The following ERC2 variants were observed in gnomAD, a reference collection of about 807,000 sequenced individuals.
ERC2 encodes ELKS/RAB6-interacting/CAST family member 2.
Under a neutral mutation model 114.8 loss-of-function variants are expected in ERC2, and 42 were observed. The observed-to-expected ratio is 0.37, with a 90% CI of 0.29 to 0.47. The LOEUF (loss-of-function observed/expected upper bound fraction) is 0.47. Ranked by LOEUF, ERC2 falls within the 20% of genes least tolerant of loss-of-function variation. The probability of loss-of-function intolerance (pLI) is 0.99; values close to 1 mark genes in which losing one functional copy is unlikely to be tolerated. For missense variants in ERC2, 939 were observed against 1,150.7 expected (o/e 0.82, Z 2.66); for synonymous variants, 454 against 425.5 (o/e 1.07, Z -0.82).
intron 3 of ERC2, among the ~76,000 whole-genome samples, chr3:56,244,195 A>C (rs908391469): frequency 2.0e-5 from 3 of 152,180 alleles, no homozygotes; most frequent in African/African-American, 7.2e-5. Context: ...GCCTTCGTGA[A>C]ACAGCAGCAC....
intron 13 of ERC2, among the ~76,000 whole-genome samples, chr3:55,891,604 G>A (rs1044144114): frequency 2.0e-5 from 3 of 151,728 alleles, no homozygotes; most frequent in Non-Finnish European, 2.9e-5. Flanking sequence ...ATGCCACCAC[G>A]CCCAGCTAAT....
chr3:56,023,641 C>G (rs761424360), intron 7 of ERC2, among the ~76,000 whole-genome samples: 42 of 152,260 alleles, frequency 2.8e-4, no homozygotes, highest in Non-Finnish European at 5.6e-4. Flanking sequence ...CCTTACTTAT[C>G]TATTTCCACA....
intron 13 of ERC2, among the ~76,000 whole-genome samples, chr3:55,907,684 G>C (rs1421447017): frequency 6.6e-6 from 1 of 152,204 alleles, no homozygotes; most frequent in Non-Finnish European, 1.5e-5. Context: ...TGAAGGCTCA[G>C]ATCCCTTCTC....
chr3:56,178,107 T>C (rs1349209241), intron 3 of ERC2, among the ~76,000 whole-genome samples: 1 of 152,126 alleles, frequency 6.6e-6, no homozygotes, highest in Non-Finnish European at 1.5e-5. Flanking sequence ...TCTCAAGTGG[T>C]TCATCAGAAT....
intron 14 of ERC2, among the ~76,000 whole-genome samples, chr3:55,742,036 G>A (rs1024421560): frequency 6.6e-5 from 10 of 151,474 alleles, no homozygotes; most frequent in African/African-American, 2.4e-4. Flanking sequence ...CATTCAGTGT[G>A]TAGGAGGTAG....
At chr3:56,188,325 C>T (rs754422623) in intron 3 of ERC2, among the ~76,000 whole-genome samples, 2 of 152,138 alleles carry the variant, frequency 1.3e-5, no homozygotes, top group Middle Eastern at 3.2e-3. Flanking sequence ...CTCTCGAGTA[C>T]GTGGAGAAGG....
intron 3 of ERC2, among the ~76,000 whole-genome samples, chr3:56,214,455 A>C (rs967739997): frequency 6.6e-6 from 1 of 152,162 alleles, no homozygotes; most frequent in Non-Finnish European, 1.5e-5. Flanking sequence ...AAAGAATAAA[A>C]AGAAACGAAC....
At position 56,161,331 on chromosome 3, in the gene ERC2, T is replaced by C. The variant is rs899189504; in HGVS notation, c.1149+12115A>G. On this transcript the variant is annotated intron_variant, in intron 4 of 17. Coordinates refer to ENST00000288221, the MANE Select transcript of ERC2 (RefSeq NM_015576.3). ...TTATGGAATACCCAGCCTCAGGTAT[T>C]ACTTTATAGCAATGTGAGGACAGCC... Among the ~76,000 whole-genome samples the C allele has an allele frequency of 2.0e-5, 3 of 152,320 alleles. No homozygotes were observed. In the East Asian group the frequency reaches 5.8e-4, roughly 29 times the overall value.
intron 10 of ERC2, chr3:56,002,997 C>CAT (rs3076643): frequency 0.69 from 555,495 of 808,466 alleles, 192,350 homozygotes; most frequent in East Asian, 0.83. Context: ...GGAAGAAACT[C>CAT]AAATATTTTC....
intron 14 of ERC2, among the ~76,000 whole-genome samples, chr3:55,827,050 C>T (rs1015018189): frequency 6.6e-6 from 1 of 152,220 alleles, no homozygotes. Flanking sequence ...CCTCAGATGG[C>T]TGCCTTAACA....
At chr3:55,620,770 A>T (rs984893251) in intron 17 of ERC2, among the ~76,000 whole-genome samples, 7 of 152,200 alleles carry the variant, frequency 4.6e-5, no homozygotes, top group African/African-American at 1.7e-4. Flanking sequence ...TGTGTTTGTC[A>T]TAAAGTTAAG....
chr3:55,714,594 A>G (rs565145282), intron 15 of ERC2, among the ~76,000 whole-genome samples: 5 of 150,254 alleles, frequency 3.3e-5, no homozygotes, highest in Non-Finnish European at 7.4e-5. Flanking sequence ...CATATAAAAT[A>G]GTATATAAAA....
At chr3:55,668,480 C>T (rs1248847483) in intron 17 of ERC2, among the ~76,000 whole-genome samples, 1 of 152,206 alleles carries the variant, frequency 6.6e-6, no homozygotes, top group Non-Finnish European at 1.5e-5. Context: ...GTGCTCCACT[C>T]CAGGACAAGT....
intron 15 of ERC2, among the ~76,000 whole-genome samples, chr3:55,701,987 A>G (rs2063244734): frequency 6.6e-6 from 1 of 152,200 alleles, no homozygotes; most frequent in African/African-American, 2.4e-5. Context: ...ACAAATAATA[A>G]TTCTGCTATT....
In ERC2 at chr3:55,945,435, G is replaced by A. The variant is rs568076373; in HGVS notation, c.2403+4990C>T. On this transcript the variant is annotated intron_variant, in intron 13 of 17. Transcript: ENST00000288221. ...ATTTAACTTAGTGGCTTGGAGAGATGAACATTTAGATATGAAGCTTAAAAA... is the reference window on the plus strand; with the variant it reads ...ATTTAACTTAGTGGCTTGGAGAGATAAACATTTAGATATGAAGCTTAAAAA... Among the ~76,000 whole-genome samples, 3 of 152,284 alleles carry A rather than the reference G, an allele frequency of 2.0e-5. No individual in the cohort carries two copies. The East Asian group carries it at 5.8e-4, about 29-fold the overall frequency.
chr3:55,646,568 G>T (rs1242565323), intron 17 of ERC2, among the ~76,000 whole-genome samples: 1 of 152,124 alleles, frequency 6.6e-6, no homozygotes, highest in Non-Finnish European at 1.5e-5. Context: ...GCTAATATTT[G>T]TTCCTTTTTC....
intron 4 of ERC2, among the ~76,000 whole-genome samples, chr3:56,158,007 G>T (rs2081832266): frequency 6.6e-6 from 1 of 152,210 alleles, no homozygotes; most frequent in Non-Finnish European, 1.5e-5. Context: ...CACCAGCAAG[G>T]GAGAGGGCAG....
At chr3:56,361,547 A>G (rs1227375225) in intron 2 of ERC2, among the ~76,000 whole-genome samples, 1 of 152,212 alleles carries the variant, frequency 6.6e-6, no homozygotes, top group Non-Finnish European at 1.5e-5. Flanking sequence ...TCAAGACTCA[A>G]TATTCTATGT....
At chr3:55,662,158 C>A (rs755890896) in intron 17 of ERC2, among the ~76,000 whole-genome samples, 10 of 152,214 alleles carry the variant, frequency 6.6e-5, no homozygotes, top group African/African-American at 2.2e-4. Context: ...TGCCAATTGG[C>A]AACCAATCCT....
Sources: allele counts gnomAD v4.1 joint callset (sites outside exome capture counted in the v4.1 genomes callset), GRCh38; gene constraint gnomAD v4.1.1; transcripts MANE v1.5; gene names NCBI Gene and HGNC (gene_info 2026-07-23, HGNC 2026-07-21).